RPS24: variants seen among roughly 807,000 people sequenced by gnomAD.
RPS24 encodes small ribosomal subunit protein eS24.
For missense variants in RPS24, 100 were observed against 162.5 expected, an observed-to-expected ratio of 0.62 and a Z score of 2.09; for synonymous variants, 72 against 55.6, an observed-to-expected ratio of 1.30 and a Z score of -1.31.
intron 1 of RPS24, 33 bp downstream of exon 1, chr10:78,033,937 CG>C (rs1272822996): frequency 6.2e-7 from 1 of 1,613,646 alleles, no homozygotes. Flanking sequence ...AGTCATCTGC[CG>C]CGTATCCGAG....
chr10:78,043,754 C>T (rs948576873), downstream of RPS24, among the ~76,000 whole-genome samples: 1 of 152,166 alleles, frequency 6.6e-6, no homozygotes, highest in Admixed American at 6.5e-5. Context: ...CCAAGAAGAT[C>T]AGTGCAGGGA....
At chr10:78,042,996 C>T (rs751046892), downstream of RPS24, among the ~76,000 whole-genome samples, 6 of 116,068 alleles carry the variant, frequency 5.2e-5, no homozygotes, top group East Asian at 7.1e-4. Flanking sequence ...AATCTGCGCG[C>T]GCACACACAT....
downstream of RPS24, among the ~76,000 whole-genome samples, chr10:78,044,284 G>A (rs1028177089): frequency 2.0e-5 from 3 of 152,114 alleles, no homozygotes; most frequent in African/African-American, 7.2e-5. Context: ...AGGAAAGAAA[G>A]CAGGGAGATG....
chr10:78,051,760 G>C (rs537840673), intron 4 of RPS24, among the ~76,000 whole-genome samples: 1 of 152,120 alleles, frequency 6.6e-6, no homozygotes, highest in Non-Finnish European at 1.5e-5. Flanking sequence ...CATGCAAGTA[G>C]GTATGAAGTG....
chr10:78,054,593 A>G (rs750345386), exon 5 of RPS24: 7 of 1,551,348 alleles, frequency 4.5e-6, no homozygotes, highest in African/African-American at 1.4e-5. Context: ...AGAGATGCAC[A>G]GATGTGAAGA....
intron 4 of RPS24, 72 bp from the exon 5 acceptor site, chr10:78,040,132 T>C: frequency 6.9e-7 from 1 of 1,453,622 alleles, no homozygotes; most frequent in Non-Finnish European, 9.7e-7. Flanking sequence ...ATTTTGGAGT[T>C]TGAAAAGGGA....
intron 4 of RPS24, among the ~76,000 whole-genome samples, chr10:78,050,474 G>A (rs1257187039): frequency 6.6e-6 from 1 of 152,190 alleles, no homozygotes; most frequent in Non-Finnish European, 1.5e-5. Flanking sequence ...CCAGACCTCA[G>A]CAAGTGGCCG....
rs561352384 is a variant in RPS24, at chr10:78,040,657, T to C, written c.*62T>C. 1.2e-6 allele frequency: 2 copies of C among 1,614,068 alleles called. No homozygotes were observed. The highest frequency in any genetic ancestry group is 1.1e-5 in the South Asian group (1 of 91,068). On this transcript the variant is annotated 3_prime_UTR_variant, in exon 6 of 6. Coordinates refer to ENST00000372360, the MANE Select transcript of RPS24 (RefSeq NM_033022.4). ...CTGCAATGATGTTAGCTGTGGCCAC[T>C]GTGGATTTTTCGCAAGAACATTAAT...
intron 4 of RPS24, among the ~76,000 whole-genome samples, chr10:78,047,300 C>G (rs1365357463): frequency 6.6e-6 from 1 of 152,036 alleles, no homozygotes; most frequent in African/African-American, 2.4e-5. Context: ...CCAGGTGATT[C>G]AGATGCATGC....
intron 4 of RPS24, among the ~76,000 whole-genome samples, chr10:78,046,457 C>T (rs1266340434): frequency 6.7e-6 from 1 of 148,770 alleles, no homozygotes; most frequent in Non-Finnish European, 1.5e-5. Flanking sequence ...CTTCTGGGTT[C>T]AAGTGATTCT....
chr10:78,039,959 T>G (rs1014811076), intron 4 of RPS24: 2 of 581,684 alleles, frequency 3.4e-6, no homozygotes, highest in African/African-American at 1.9e-5. Flanking sequence ...CATTGTGAAG[T>G]CCGGCTACCT....
At chr10:78,040,377 C>T (rs1847967159) in intron 5 of RPS24, 152 bp downstream of exon 5, 6 of 766,380 alleles carry the variant, frequency 7.8e-6, no homozygotes, top group Non-Finnish European at 1.3e-5. Context: ...CTAACAGTGA[C>T]ATGGTTTTGT....
At chr10:78,042,797 G>GCA (rs142013501), downstream of RPS24, among the ~76,000 whole-genome samples, 15,764 of 152,088 alleles carry the variant, frequency 0.1, 1,071 homozygotes, top group East Asian at 0.24. Flanking sequence ...GCTTTTCCTA[G>GCA]CACCACAACC....
At chr10:78,047,330 A>G (rs1184282208) in intron 4 of RPS24, among the ~76,000 whole-genome samples, 1 of 152,068 alleles carries the variant, frequency 6.6e-6, no homozygotes, top group Non-Finnish European at 1.5e-5. Flanking sequence ...AGAACCACTG[A>G]GCTTAGGGAA....
intron 4 of RPS24, 52 bp from the exon 5 acceptor site, chr10:78,040,152 A>G (rs751171895): frequency 1.9e-5 from 30 of 1,579,146 alleles, no homozygotes; most frequent in Non-Finnish European, 7.8e-6. Context: ...ACTATTAATG[A>G]AATCTTTCTT....
chr10:78,035,195 C>T (rs940692046), intron 1 of RPS24, among the ~76,000 whole-genome samples, 157 bp from the exon 2 acceptor site: 25 of 152,170 alleles, frequency 1.6e-4, no homozygotes, highest in Non-Finnish European at 4.4e-5. Flanking sequence ...TAGGTGTATC[C>T]TGTGAGTTTG....
At position 78,040,656 on chromosome 10, in the gene RPS24, C is replaced by G; in HGVS notation, c.*61C>G. 1 of 1,614,132 alleles carries G rather than the reference C, an allele frequency of 6.2e-7. No homozygotes were observed. The highest frequency in any genetic ancestry group is 1.1e-5 in the South Asian group (1 of 91,086). ...GCTGCAATGATGTTAGCTGTGGCCACTGTGGATTTTTCGCAAGAACATTAA... is the reference window on the plus strand; with the variant it reads ...GCTGCAATGATGTTAGCTGTGGCCAGTGTGGATTTTTCGCAAGAACATTAA... On this transcript the variant is annotated 3_prime_UTR_variant, in exon 6 of 6. Coordinates refer to ENST00000372360, the MANE Select transcript of RPS24 (RefSeq NM_033022.4).
chr10:78,054,380 C>T, intron 4 of RPS24: 1 of 723,104 alleles, frequency 1.4e-6, no homozygotes, highest in Non-Finnish European at 2.2e-6. Context: ...TCCCAAGTGC[C>T]CTTCCTTCAA....
chr10:78,037,119 C>T (rs1847886810), intron 3 of RPS24, 75 bp from the exon 4 acceptor site: 1 of 1,535,340 alleles, frequency 6.5e-7, no homozygotes, highest in Non-Finnish European at 8.8e-7. Flanking sequence ...CAGACTGGGT[C>T]AGTTTCCCTA....
Sources: gnomAD v4.1 joint callset for allele counts (sites outside exome capture counted in the v4.1 genomes callset) on GRCh38, gnomAD v4.1.1 for gene constraint, MANE v1.5 for transcripts, NCBI Gene and HGNC (gene_info 2026-07-23, HGNC 2026-07-21) for gene names.